The following PTPRO variants were observed in gnomAD, a reference collection of about 807,000 sequenced individuals.
The protein encoded by PTPRO is receptor-type tyrosine-protein phosphatase O.
In PTPRO, 62 loss-of-function variants were observed where a neutral mutation model predicts 145.2. The ratio of observed to expected loss-of-function variants is 0.43; its 90% CI spans 0.35 to 0.53. PTPRO has a LOEUF of 0.53. Among genes scored for constraint, PTPRO ranks in the 20% least tolerant of loss-of-function variants. The probability of loss-of-function intolerance (pLI) is 0.01; values close to 1 mark genes in which losing one functional copy is unlikely to be tolerated. For synonymous variants in PTPRO, 565 were observed against 514.7 expected, an observed-to-expected ratio of 1.10 and a Z score of -1.32; for missense variants, 1,345 against 1,482.7, an observed-to-expected ratio of 0.91 and a Z score of 1.53.
At position 15,493,449 on chromosome 12, in the gene PTPRO, T is replaced by G. The variant is rs192788234; in HGVS notation, c.350-3796T>G. 2.7e-3 allele frequency among the ~76,000 whole-genome samples: 407 copies of G among 152,148 alleles called. 3 individuals are homozygous for G. The highest frequency in any genetic ancestry group is 9.5e-3 in the African/African-American group (396 of 41,524). The stretch of plus-strand genomic sequence containing the variant: ...GGAATATGGTATATGACAAAGATTG[T>G]GTTACAAATTAGCAGGAGAAGATGG... On this transcript the variant is annotated intron_variant, in intron 2 of 26. Coordinates refer to ENST00000281171, the MANE Select transcript of PTPRO (RefSeq NM_030667.3).
At position 15,526,226 on chromosome 12, in the gene PTPRO, G is replaced by A. The variant is rs749762481; in HGVS notation, c.2128G>A (p.Gly710Arg). 1.3e-5 allele frequency: 21 copies of A among 1,613,886 alleles called. No individual in the cohort carries two copies. The highest frequency in any genetic ancestry group is 6.7e-5 in the Admixed American group (4 of 60,008). Residue 710 changes from glycine (G) to arginine (R), a missense_variant, in exon 12 of 27, where the codon GGA (glycine) becomes AGA (arginine). Physicochemically the swap from Gly to Arg is moderately radical, Grantham distance 125. Coordinates refer to ENST00000281171, the MANE Select transcript of PTPRO (RefSeq NM_030667.3). The part of the protein sequence containing the change: ...NLSVTACTER[G>R]SNTSMLRLVK... ...CTCAGTAACTGCTTGTACTGAAAGA[G>A]GAAGTAATACCTCCATGCTCCGCCT... is the stretch of plus-strand genomic sequence containing the variant.
rs1023849338 is a variant in PTPRO at position 15,597,094 on chromosome 12, T to G, written c.*1021T>G. 6.6e-6 allele frequency: 1 copy of G among 152,658 alleles called. No individual in the cohort carries two copies. Among genetic ancestry groups the G allele is most frequent in the African/African-American group, 2.4e-5 (1 of 41,478 alleles). 9.5% of individuals were successfully genotyped at this position (152,658 alleles called of 1,614,324 possible). On this transcript the variant is annotated 3_prime_UTR_variant, in exon 27 of 27. Transcript: ENST00000281171. ...GGACAATTATTTGACTACTTTTTTT[T>G]GTAATATTGTCAAATGTCTCTATGG...
chr12:15,550,186 C>T (rs12307253), intron 14 of PTPRO, among the ~76,000 whole-genome samples: 1,747 of 152,202 alleles, frequency 0.011, 41 homozygotes, highest in African/African-American at 0.04. Context: ...AGTTGATCAA[C>T]ACATTTTTGT....
Position 15,580,828 on chromosome 12 carries a change from GA to G in PTPRO, c.3130del (p.Arg1044GlyfsTer2). The G allele has an allele frequency of 6.2e-7, 1 of 1,613,896 alleles. No individual in the cohort carries two copies. Among genetic ancestry groups the G allele is most frequent in the Non-Finnish European group, 8.5e-7 (1 of 1,179,820 alleles). On this transcript the variant is annotated frameshift_variant and splice_region_variant, in exon 22 of 27. Coordinates refer to ENST00000281171, the MANE Select transcript of PTPRO (RefSeq NM_030667.3). LOFTEE classifies it high-confidence loss of function. ...VMLTQCNEKR[R>X]VKCDHYWPFT... ...TGCTCACTCAGTGTAATGAGAAAAGGAGGGTACGTACTTACTGAAACTGCTC... is the reference window on the plus strand; with the variant it reads ...TGCTCACTCAGTGTAATGAGAAAAGGGGGTACGTACTTACTGAAACTGCTC...
At chr12:15,401,820 G>T in intron 1 of PTPRO, among the ~76,000 whole-genome samples, 1 of 152,088 alleles carries the variant, frequency 6.6e-6, no homozygotes. Context: ...TATTTTGCCT[G>T]AACATTCAAT....
At chr12:15,514,564 C>G (rs2136498817) in intron 7 of PTPRO, among the ~76,000 whole-genome samples, 1 of 151,724 alleles carries the variant, frequency 6.6e-6, no homozygotes, top group East Asian at 1.9e-4. Flanking sequence ...GGGTGCTTAC[C>G]AGGATATCTC....
At chr12:15,576,138 T>C (rs944440011) in intron 19 of PTPRO, among the ~76,000 whole-genome samples, 3 of 152,234 alleles carry the variant, frequency 2.0e-5, no homozygotes, top group Non-Finnish European at 4.4e-5. Context: ...TTCAGGTCCA[T>C]CACTCCATAG....
intron 1 of PTPRO, among the ~76,000 whole-genome samples, chr12:15,392,634 T>C (rs1241716999): frequency 6.7e-6 from 1 of 148,650 alleles, no homozygotes; most frequent in Non-Finnish European, 1.5e-5. Context: ...GGTGGGAGAA[T>C]TGCTTGAACC....
chr12:15,555,508 G>C (rs1243227473), intron 15 of PTPRO, among the ~76,000 whole-genome samples: 2 of 152,108 alleles, frequency 1.3e-5, no homozygotes, highest in African/African-American at 4.8e-5. Context: ...CTATATTAGT[G>C]GATACTTAGG....
chr12:15,449,916 G>T (rs1941002395), intron 1 of PTPRO, among the ~76,000 whole-genome samples: 1 of 152,148 alleles, frequency 6.6e-6, no homozygotes, highest in Admixed American at 6.5e-5. Context: ...TGCCCCAGAG[G>T]ATCAGACTAA....
intron 1 of PTPRO, among the ~76,000 whole-genome samples, chr12:15,405,137 G>A (rs1026359540): frequency 2.0e-5 from 3 of 152,128 alleles, no homozygotes; most frequent in African/African-American, 7.2e-5. Flanking sequence ...ATATGAATTT[G>A]GGGTGACATA....
chr12:15,387,767 T>C (rs1939070106), intron 1 of PTPRO, among the ~76,000 whole-genome samples: 1 of 152,210 alleles, frequency 6.6e-6, no homozygotes, highest in African/African-American at 2.4e-5. Context: ...GGAATCATGA[T>C]AGAAACATTA....
At chr12:15,326,659 A>G (rs113312998) in intron 1 of PTPRO, among the ~76,000 whole-genome samples, 6 of 152,246 alleles carry the variant, frequency 3.9e-5, no homozygotes, top group African/African-American at 1.4e-4. Context: ...CCTTATAAAT[A>G]TAATTCTAAC....
At chr12:15,482,629 G>A (rs558143661) in intron 1 of PTPRO, among the ~76,000 whole-genome samples, 1 of 152,058 alleles carries the variant, frequency 6.6e-6, no homozygotes, top group African/African-American at 2.4e-5. Context: ...AATATCACAG[G>A]TACCCCATAA....
chr12:15,595,158 C>T (rs1333074668), intron 26 of PTPRO, 101 bp downstream of exon 26: 1 of 779,664 alleles, frequency 1.3e-6, no homozygotes, highest in African/African-American at 1.7e-5. Context: ...TGTATTGACT[C>T]TGACTTCACA....
At chr12:15,507,506 A>T (rs536860207) in intron 6 of PTPRO, among the ~76,000 whole-genome samples, 1 of 152,212 alleles carries the variant, frequency 6.6e-6, no homozygotes, top group Non-Finnish European at 1.5e-5. Flanking sequence ...GCTAAAAAAC[A>T]GTTTACATGC....
intron 1 of PTPRO, among the ~76,000 whole-genome samples, chr12:15,412,646 T>A (rs1020260471): frequency 1.3e-5 from 2 of 152,342 alleles, no homozygotes; most frequent in African/African-American, 4.8e-5. Flanking sequence ...TATTTGATGA[T>A]CTTTACATTC....
chr12:15,589,318 G>A, intron 24 of PTPRO, 137 bp from the exon 25 acceptor site: 2 of 1,182,348 alleles, frequency 1.7e-6, no homozygotes, highest in Non-Finnish European at 2.5e-6. Flanking sequence ...AGAGGTTGCA[G>A]TGAGCCGAGA....
At chr12:15,475,041 C>G (rs1941623887) in intron 1 of PTPRO, among the ~76,000 whole-genome samples, 1 of 152,150 alleles carries the variant, frequency 6.6e-6, no homozygotes. Context: ...TACAATCATC[C>G]CCAAAGCTGT....
Sources: gnomAD v4.1 joint callset for allele counts (sites outside exome capture counted in the v4.1 genomes callset) on GRCh38, gnomAD v4.1.1 for gene constraint, MANE v1.5 for transcripts, NCBI Gene and HGNC (gene_info 2026-07-23, HGNC 2026-07-21) for gene names.